MYH11: variants seen among roughly 807,000 people sequenced by gnomAD.
MYH11 encodes myosin-11.
MYH11 carries 80 observed loss-of-function variants against 246.6 expected under a neutral mutation model. The observed-to-expected ratio is 0.32, with a 90% CI of 0.27 to 0.39. The LOEUF (loss-of-function observed/expected upper bound fraction) is 0.39. Ranked by LOEUF, MYH11 falls within the 10% of genes least tolerant of loss-of-function variation. MYH11 has a pLI of 1.00. For synonymous variants in MYH11, 1,071 were observed against 1,015.5 expected (o/e 1.05, Z -1.04); for missense variants, 2,158 against 2,546.8 (o/e 0.85, Z 3.29).
chr16:15,756,920 T>C (rs1169891316), intron 13 of MYH11, among the ~76,000 whole-genome samples: 2 of 146,412 alleles, frequency 1.4e-5, no homozygotes, highest in African/African-American at 2.5e-5. Context: ...TGCCTCAGCC[T>C]CCCGAGTAGC....
intron 6 of MYH11, chr16:15,779,173 G>C (rs2042291559): frequency 4.8e-6 from 2 of 412,874 alleles, no homozygotes; most frequent in African/African-American, 2.0e-5. Flanking sequence ...CTGTCAGCGA[G>C]GGCTGGAGTG....
At chr16:15,712,882 G>GTTTTTTTTTTGTTTTTTTTTTTTT (rs2039888905) in intron 40 of MYH11, 1 of 90,636 alleles carries the variant, frequency 1.1e-5, no homozygotes, top group Non-Finnish European at 2.3e-5. Context: ...TTCACATACA[G>GTTTTTTTTTTGTTTTTTTTTTTTT]TTTTTTTTTT....
intron 9 of MYH11, among the ~76,000 whole-genome samples, chr16:15,770,240 G>C: frequency 6.6e-6 from 1 of 152,138 alleles, no homozygotes; most frequent in Admixed American, 6.5e-5. Context: ...GACCCATACA[G>C]CCTAATTTTC....
chr16:15,708,811 T>G, intron 40 of MYH11: 1 of 1,608,618 alleles, frequency 6.2e-7, no homozygotes, highest in Non-Finnish European at 8.5e-7. Context: ...ACCTGGTGCA[T>G]CACTGCGAAG....
At position 15,744,905 on chromosome 16, in the gene MYH11, G is replaced by A. The variant is rs144126397; in HGVS notation, c.2520+224C>T. On this transcript the variant is annotated intron_variant, in intron 20 of 40. Coordinates refer to ENST00000300036, the MANE Select transcript of MYH11 (RefSeq NM_002474.3). ...TAAATGGGCCACACGAGGGATTCCA[G>A]TGCGGATGGAAATATTAATACTTTG... Among the ~76,000 whole-genome samples, 1,593 of 152,338 alleles carry A rather than the reference G, an allele frequency of 0.01. 15 individuals are homozygous for A. The highest frequency in any genetic ancestry group is 0.015 in the Non-Finnish European group (1,001 of 68,026).
At chr16:15,811,075 A>C (rs953841370) in intron 3 of MYH11, among the ~76,000 whole-genome samples, 2 of 152,118 alleles carry the variant, frequency 1.3e-5, no homozygotes, top group African/African-American at 4.8e-5. Context: ...TGATGAGATC[A>C]TGGGGGTTCA....
intron 3 of MYH11, among the ~76,000 whole-genome samples, chr16:15,801,596 G>C (rs556157908): frequency 2.7e-3 from 412 of 152,242 alleles, no homozygotes; most frequent in Non-Finnish European, 4.6e-3. Flanking sequence ...AGGAGTTCAA[G>C]GTTGCAGTGA....
rs138132973 is a variant in MYH11 at position 15,800,597 on chromosome 16, TTGGATGGATGGATGGATGGATGGA to T, written c.503-1934_503-1911del. Among the ~76,000 whole-genome samples the T allele has an allele frequency of 5.4e-4, 78 of 143,200 alleles. 2 individuals carry two copies. The highest frequency in any genetic ancestry group is 7.6e-5 in the Non-Finnish European group (5 of 65,622). The allele number at this position is 143,200 out of a possible 152,430, so 93.9% of individuals were successfully genotyped here. On this transcript the variant is annotated intron_variant, in intron 3 of 40. Coordinates refer to ENST00000300036, the MANE Select transcript of MYH11 (RefSeq NM_002474.3). Reference sequence around the variant, plus strand: ...CAGAGTGTATAGGCCGGTAAATGAGTTGGATGGATGGATGGATGGATGGATGGATGGATGGATGGATGGATGGGA... The same window carrying T: ...CAGAGTGTATAGGCCGGTAAATGAGTTGGATGGATGGATGGATGGATGGGA...
chr16:15,808,443 G>A (rs1433312335), intron 3 of MYH11, among the ~76,000 whole-genome samples: 1 of 152,198 alleles, frequency 6.6e-6, no homozygotes, highest in Non-Finnish European at 1.5e-5. Context: ...AAGCCATTCT[G>A]TAAGTGAGGG....
At chr16:15,785,792 G>T (rs1343579283) in intron 5 of MYH11, 1 of 154,044 alleles carries the variant, frequency 6.5e-6, no homozygotes, top group Admixed American at 6.4e-5. Context: ...GGCCCTAGAG[G>T]TGATGACTCT....
intron 20 of MYH11, among the ~76,000 whole-genome samples, chr16:15,742,929 C>T (rs2041315593): frequency 6.6e-6 from 1 of 151,052 alleles, no homozygotes; most frequent in African/African-American, 2.4e-5. Context: ...GATCCTCCCA[C>T]CCCAGCTCCA....
At chr16:15,790,631 C>T (rs2042586584) in intron 4 of MYH11, among the ~76,000 whole-genome samples, 1 of 152,160 alleles carries the variant, frequency 6.6e-6, no homozygotes, top group South Asian at 2.1e-4. Context: ...GGTGAAGATG[C>T]CTTCCTGGTC....
chr16:15,737,681 C>G (rs2041161378), intron 24 of MYH11, 61 bp from the exon 25 acceptor site: 1 of 1,586,808 alleles, frequency 6.3e-7, no homozygotes, highest in Non-Finnish European at 8.6e-7. Context: ...CGGAAATGAG[C>G]CTTCCTGCCC....
intron 6 of MYH11, among the ~76,000 whole-genome samples, chr16:15,782,045 T>A (rs566334289): frequency 4.6e-5 from 7 of 152,262 alleles, no homozygotes; most frequent in African/African-American, 1.7e-4. Context: ...CCTAATTTTT[T>A]AAATTTTATT....
chr16:15,737,658 CCA>C (rs1338968251), intron 24 of MYH11, 38 bp from the exon 25 acceptor site: 6 of 1,605,270 alleles, frequency 3.7e-6, no homozygotes, highest in Non-Finnish European at 5.1e-6. Flanking sequence ...AGGGGAGGCC[CCA>C]GAGAGATGCC....
At chr16:15,719,109 C>G in intron 36 of MYH11, 111 bp downstream of exon 36, 1 of 1,071,354 alleles carries the variant, frequency 9.3e-7, no homozygotes, top group African/African-American at 1.6e-5. Context: ...GCCTGGGTGA[C>G]AGAATGAAAC....
intron 38 of MYH11, 117 bp downstream of exon 38, chr16:15,717,023 C>G (rs1002653588): frequency 3.6e-6 from 4 of 1,115,340 alleles, no homozygotes; most frequent in Non-Finnish European, 4.1e-6. Context: ...GTAGGCATCA[C>G]AGAGCTTGCT....
At chr16:15,835,868 C>T (rs1476438074) in intron 2 of MYH11, among the ~76,000 whole-genome samples, 5 of 151,856 alleles carry the variant, frequency 3.3e-5, no homozygotes, top group Non-Finnish European at 7.4e-5. Flanking sequence ...ATCCTCCTGC[C>T]TCAGCCTCCC....
At chr16:15,784,273 C>T (rs2042417811) in intron 5 of MYH11, among the ~76,000 whole-genome samples, 1 of 152,048 alleles carries the variant, frequency 6.6e-6, no homozygotes, top group Admixed American at 6.6e-5. Flanking sequence ...GGAGGCATGC[C>T]ACAGCTGTGC....
Sources: gnomAD v4.1 joint callset for allele counts (sites outside exome capture counted in the v4.1 genomes callset) on GRCh38, gnomAD v4.1.1 for gene constraint, MANE v1.5 for transcripts, NCBI Gene and HGNC (gene_info 2026-07-23, HGNC 2026-07-21) for gene names.